Variants in COL4A1 observed in about 807,000 individuals in gnomAD.
COL4A1 encodes the protein collagen alpha-1(IV) chain.
COL4A1 carries 40 observed loss-of-function variants against 216.6 expected under a neutral mutation model. The observed-to-expected ratio is 0.18, with a 90% confidence interval of 0.14 to 0.24. The LOEUF is 0.24. COL4A1 is among the 10% of genes least tolerant of loss of function. The pLI, the probability that COL4A1 is intolerant of heterozygous loss-of-function variation, is 1.00. For missense variants in COL4A1, 1,628 were observed against 2,196.8 expected (o/e 0.74, Z 5.18); for synonymous variants, 839 against 810.7 (o/e 1.03, Z -0.59).
intron 1 of COL4A1, among the ~76,000 whole-genome samples, chr13:110,266,349 G>T (rs1175862000): frequency 6.6e-6 from 1 of 152,186 alleles, no homozygotes; most frequent in Non-Finnish European, 1.5e-5. Flanking sequence ...GTCACAACCC[G>T]CCTGGAGTAG....
chr13:110,174,401 CT>C (rs1877781708), intron 39 of COL4A1, 44 bp downstream of exon 39: 2 of 1,607,434 alleles, frequency 1.2e-6, no homozygotes, highest in African/African-American at 2.7e-5. Flanking sequence ...CCCCTGGCCA[CT>C]GTTCTCTATG....
In COL4A1 at chr13:110,306,929, TG is replaced by T; in HGVS notation, c.84+14del. On this transcript the variant is annotated intron_variant, in intron 1 of 51. Coordinates refer to ENST00000375820, the MANE Select transcript of COL4A1 (RefSeq NM_001845.6). ...CGGGGCGGGACGCCGGGAGCGGAGC[TG>T]GCCGGGAACTCACCTTCGCAGCGGC... 6.8e-7 allele frequency: 1 copy of T among 1,460,376 alleles called. No homozygotes were observed. The highest frequency in any genetic ancestry group is 1.5e-5 in the African/African-American group (1 of 68,166). 90.5% of individuals were successfully genotyped at this position (1,460,376 alleles called of 1,614,324 possible).
intron 41 of COL4A1, among the ~76,000 whole-genome samples, chr13:110,172,105 A>AGCCCAGCCACGGGCCATAAGCAT (rs1330179826): frequency 3.3e-5 from 5 of 152,344 alleles, no homozygotes; most frequent in African/African-American, 1.2e-4. Context: ...TCACTCAGCC[A>AGCCCAGCCACGGGCCATAAGCAT]GCCCAGCCAC....
intron 40 of COL4A1, among the ~76,000 whole-genome samples, chr13:110,173,082 G>C (rs535585827): frequency 6.6e-6 from 1 of 152,146 alleles, no homozygotes; most frequent in South Asian, 2.1e-4. Context: ...GGGATTCTCA[G>C]ACAACCATCC....
At chr13:110,272,039 T>C (rs898611787) in intron 1 of COL4A1, among the ~76,000 whole-genome samples, 5 of 152,230 alleles carry the variant, frequency 3.3e-5, no homozygotes, top group African/African-American at 1.2e-4. Flanking sequence ...CAGGTAATAT[T>C]TGTCAATACT....
intron 2 of COL4A1, among the ~76,000 whole-genome samples, chr13:110,237,489 C>A (rs1163623963): frequency 6.6e-6 from 1 of 152,162 alleles, no homozygotes; most frequent in Non-Finnish European, 1.5e-5. Context: ...GGCTGGGATG[C>A]TGCTCGACAT....
In COL4A1 at chr13:110,292,641, C is replaced by T. The variant is rs184009387; in HGVS notation, c.84+14303G>A. 1.1e-4 allele frequency among the ~76,000 whole-genome samples: 16 copies of T among 152,176 alleles called. No homozygotes were observed. In the East Asian group the frequency reaches 1.5e-3, roughly 15 times the overall value. On this transcript the variant is annotated intron_variant, in intron 1 of 51. Coordinates refer to ENST00000375820, the MANE Select transcript of COL4A1 (RefSeq NM_001845.6). The stretch of plus-strand genomic sequence containing the variant: ...TCTTACATGGTAGCAGGAGAGAGAG[C>T]GAAGGAGAAAGCACAATTTTTAAAA...
chr13:110,307,097 G>T lies in COL4A1; in HGVS notation c.-70C>A. On this transcript the variant is annotated 5_prime_UTR_variant, in exon 1 of 52. Transcript: ENST00000375820. This position sits in a 1 kb window ranked among gnomAD's most constrained non-coding sequence, Gnocchi z 5.0. ...GGGCCGCGGCGGACAGCTAGCTCTCGGAAGGCCGGACTTCCAGCGCTACGC... is the reference window on the plus strand; with the variant it reads ...GGGCCGCGGCGGACAGCTAGCTCTCTGAAGGCCGGACTTCCAGCGCTACGC... 1.6e-6 allele frequency: 2 copies of T among 1,263,950 alleles called. No individual in the cohort carries two copies. The highest frequency in any genetic ancestry group is 6.3e-5 in the East Asian group (2 of 31,926). The allele number at this position is 1,263,950 out of a possible 1,614,324, so 78.3% of individuals were successfully genotyped here.
chr13:110,276,833 A>G (rs572831990), intron 1 of COL4A1, among the ~76,000 whole-genome samples: 1 of 152,300 alleles, frequency 6.6e-6, no homozygotes, highest in African/African-American at 2.4e-5. Flanking sequence ...TGGAACAGAG[A>G]TTGCAAACTG....
intron 1 of COL4A1, among the ~76,000 whole-genome samples, chr13:110,287,735 A>G (rs929251362): frequency 1.3e-5 from 2 of 152,316 alleles, no homozygotes; most frequent in African/African-American, 4.8e-5. Flanking sequence ...TCCAATCTAT[A>G]TACAAGGAGG....
chr13:110,202,238 T>TAA lies in COL4A1; in HGVS notation c.1000-718_1000-717dup, dbSNP rs564963734. 8.1e-3 allele frequency among the ~76,000 whole-genome samples: 986 copies of TAA among 121,102 alleles called. 13 individuals are homozygous for TAA. Among genetic ancestry groups the TAA allele is most frequent in the African/African-American group, 0.023 (783 of 33,842 alleles). The allele number at this position is 121,102 out of a possible 152,430, so 79.4% of individuals were successfully genotyped here. A position where few individuals can be genotyped will look rare whatever the true frequency, so the allele number is the denominator to read the frequency against. On this transcript the variant is annotated intron_variant, in intron 18 of 51. Coordinates refer to ENST00000375820, the MANE Select transcript of COL4A1 (RefSeq NM_001845.6). ...CAACGTATTATGAGAGGAACACTCT[T>TAA]AAAAAAAAAAAAAAAAAAAGTAGGC...
chr13:110,200,781 A>G, intron 20 of COL4A1, 73 bp downstream of exon 20: 5 of 1,440,970 alleles, frequency 3.5e-6, no homozygotes, highest in Non-Finnish European at 4.9e-6. Flanking sequence ...TTCGTGATAA[A>G]TTATATATTC....
intron 2 of COL4A1, among the ~76,000 whole-genome samples, chr13:110,230,707 T>C (rs1260025368): frequency 6.6e-6 from 1 of 152,210 alleles, no homozygotes. Context: ...CACGCCAGCG[T>C]GCTGTTCCTC....
At position 110,152,374 on chromosome 13, in the gene COL4A1, T is replaced by C; in HGVS notation, c.4888A>G (p.Ser1630Gly). 4 of 1,614,182 alleles carry C rather than the reference T, an allele frequency of 2.5e-6. No individual in the cohort carries two copies. Among genetic ancestry groups the C allele is most frequent in the Non-Finnish European group, 3.4e-6 (4 of 1,180,038 alleles). Residue 1630 changes from serine to glycine, a missense_variant, in exon 51 of 52, where the codon AGC becomes GGC. Around this residue, in one of 8 missense-constraint regions of COL4A1, gnomAD observed 254 missense variants for 300.1 expected, o/e 0.85. Transcript: ENST00000375820. The part of the protein sequence containing the change: ...GTCNYYANAY[S>G]FWLATIERSE... ...CTCTCTATGGTGGCGAGCCAAAAGC[T>C]GTAAGCGTTTGCGTAGTAATTGCAG... is the stretch of plus-strand genomic sequence containing the variant.
Position 110,178,883 on chromosome 13 carries a change from T to C in COL4A1, c.2458+40A>G, listed in dbSNP as rs768202888. 9.9e-6 allele frequency: 15 copies of C among 1,512,728 alleles called. No homozygotes were observed. The Admixed American group carries it at 1.1e-4, about 11-fold the overall frequency. 93.7% of individuals were successfully genotyped at this position (1,512,728 alleles called of 1,614,324 possible). On this transcript the variant is annotated intron_variant, in intron 31 of 51. Coordinates refer to ENST00000375820, the MANE Select transcript of COL4A1 (RefSeq NM_001845.6). ...TCATCCCCCATGCTTCAGAAAAGCA[T>C]GCTTTTGGGAACAGATAATTCTAGA...
intron 1 of COL4A1, among the ~76,000 whole-genome samples, chr13:110,262,241 G>C (rs1336656910): frequency 6.6e-6 from 1 of 152,140 alleles, no homozygotes; most frequent in Non-Finnish European, 1.5e-5. Context: ...AGGTCTGCAA[G>C]GCCAAGAGCT....
At chr13:110,281,346 G>A (rs1412058552) in intron 1 of COL4A1, among the ~76,000 whole-genome samples, 1 of 152,158 alleles carries the variant, frequency 6.6e-6, no homozygotes, top group East Asian at 1.9e-4. Flanking sequence ...AGTACTCTGT[G>A]CTCCTTGAAG....
chr13:110,163,409 T>C, intron 47 of COL4A1, 54 bp downstream of exon 47: 7 of 1,530,924 alleles, frequency 4.6e-6, no homozygotes, highest in Non-Finnish European at 6.3e-6. Context: ...TTCTGCTCCT[T>C]CTATCCCAAA....
At chr13:110,174,823 T>G (rs1027610301) in intron 37 of COL4A1, 74 bp from the exon 38 acceptor site, 1 of 1,374,606 alleles carries the variant, frequency 7.3e-7, no homozygotes. Flanking sequence ...TTATAGATAA[T>G]GGTATACATT....
Sources: allele counts gnomAD v4.1 joint callset (sites outside exome capture counted in the v4.1 genomes callset), GRCh38; gene constraint gnomAD v4.1.1; regional missense constraint gnomAD v4.1.1; non-coding constraint Gnocchi (gnomAD v3.1); transcripts MANE v1.5; gene names NCBI Gene and HGNC (gene_info 2026-07-23, HGNC 2026-07-21).